Variants in MED27 observed in about 807,000 individuals in gnomAD.
MED27 encodes the protein mediator complex subunit 27.
MED27 carries 30 observed loss-of-function variants against 38.2 expected under a neutral mutation model. The observed-to-expected ratio is 0.79, with a 90% CI of 0.59 to 1.07. MED27 has a LOEUF of 1.07. Ranked by LOEUF, MED27 falls within the 50% of genes least tolerant of loss-of-function variation. MED27 has a pLI of 0.00. For missense variants in MED27, 289 were observed against 397.5 expected, an observed-to-expected ratio of 0.73 and a Z score of 2.32; for synonymous variants, 122 against 153.5, an observed-to-expected ratio of 0.79 and a Z score of 1.52.
intron 3 of MED27, among the ~76,000 whole-genome samples, chr9:131,986,126 GTGAAA>G (rs1469166818): frequency 6.6e-6 from 1 of 152,160 alleles, no homozygotes; most frequent in Non-Finnish European, 1.5e-5. Flanking sequence ...AGTTTATAAA[GTGAAA>G]AAGTAAGGCT....
At chr9:131,921,225 C>A (rs1473308164) in intron 4 of MED27, among the ~76,000 whole-genome samples, 1 of 152,158 alleles carries the variant, frequency 6.6e-6, no homozygotes, top group Non-Finnish European at 1.5e-5. Context: ...GTCCTGTTAG[C>A]ACTACCCTGC....
chr9:132,007,350 C>T (rs982332280), intron 3 of MED27, among the ~76,000 whole-genome samples: 4 of 151,976 alleles, frequency 2.6e-5, no homozygotes, highest in African/African-American at 7.3e-5. Flanking sequence ...CAAAGAACAT[C>T]GAAAAAATAC....
At chr9:131,964,345 TGGA>T (rs1336480310) in intron 3 of MED27, among the ~76,000 whole-genome samples, 75 of 149,640 alleles carry the variant, frequency 5.0e-4, no homozygotes, top group African/African-American at 1.7e-3. Flanking sequence ...GTGGTGGTGG[TGGA>T]GGTGATGGTA....
intron 6 of MED27, among the ~76,000 whole-genome samples, chr9:131,875,022 G>A (rs1416670456): frequency 1.3e-5 from 2 of 152,158 alleles, no homozygotes; most frequent in South Asian, 2.1e-4. Context: ...GAGAGACCCC[G>A]CCAAGAGGCA....
At chr9:132,025,060 G>C (rs921239438) in intron 2 of MED27, among the ~76,000 whole-genome samples, 2 of 151,746 alleles carry the variant, frequency 1.3e-5, no homozygotes, top group African/African-American at 4.8e-5. Flanking sequence ...TGTGTGTCAG[G>C]ATTTTCCCAC....
At chr9:132,060,228 CCT>C (rs766252032) in intron 2 of MED27, among the ~76,000 whole-genome samples, 9 of 152,252 alleles carry the variant, frequency 5.9e-5, no homozygotes, top group East Asian at 3.9e-4. Context: ...TGGGTGGCCC[CCT>C]GTTTTGGGGG....
intron 2 of MED27, among the ~76,000 whole-genome samples, chr9:132,050,533 C>T (rs1027741298): frequency 6.6e-6 from 1 of 152,204 alleles, no homozygotes; most frequent in East Asian, 1.9e-4. Flanking sequence ...TGATTATGTT[C>T]ACAGGGAAAA....
At chr9:131,903,218 C>T (rs955411357) in intron 4 of MED27, among the ~76,000 whole-genome samples, 12 of 152,292 alleles carry the variant, frequency 7.9e-5, no homozygotes, top group African/African-American at 1.2e-4. Flanking sequence ...GGCAAGGAGG[C>T]GCAAGTCACA....
intron 4 of MED27, among the ~76,000 whole-genome samples, chr9:131,936,847 G>A (rs774581937): frequency 4.4e-4 from 67 of 152,204 alleles, no homozygotes; most frequent in South Asian, 2.1e-4. Context: ...AGGAAATGCC[G>A]TTTTATTTCA....
intron 4 of MED27, among the ~76,000 whole-genome samples, chr9:131,920,261 A>G (rs1049722025): frequency 2.6e-5 from 4 of 152,238 alleles, no homozygotes; most frequent in African/African-American, 9.7e-5. Flanking sequence ...CCTGTTTACA[A>G]GTGCGCTTAT....
chr9:131,864,209 G>A (rs145824627), intron 6 of MED27, among the ~76,000 whole-genome samples: 16 of 152,248 alleles, frequency 1.1e-4, no homozygotes, highest in African/African-American at 3.9e-4. Flanking sequence ...GGCCAGGTGC[G>A]GTGCCTCATG....
chr9:132,042,410 C>T (rs957918413), intron 2 of MED27, among the ~76,000 whole-genome samples: 2 of 152,154 alleles, frequency 1.3e-5, no homozygotes, highest in Admixed American at 6.5e-5. Flanking sequence ...GAGGTAAAGT[C>T]ACTTGCTGCA....
At chr9:131,927,206 G>A (rs1482435068) in intron 4 of MED27, among the ~76,000 whole-genome samples, 1 of 152,156 alleles carries the variant, frequency 6.6e-6, no homozygotes, top group Non-Finnish European at 1.5e-5. Context: ...TACCAAAACA[G>A]CCCCGAAACA....
intron 3 of MED27, among the ~76,000 whole-genome samples, chr9:131,979,464 T>C (rs745724202): frequency 7.9e-5 from 10 of 126,570 alleles, no homozygotes; most frequent in Non-Finnish European, 1.1e-4. Flanking sequence ...TATTTGCTAC[T>C]AAATATTAAA....
intron 6 of MED27, among the ~76,000 whole-genome samples, chr9:131,882,654 T>C (rs552620806): frequency 6.6e-6 from 1 of 152,326 alleles, no homozygotes; most frequent in East Asian, 1.9e-4. Context: ...CTCCCTGACC[T>C]GAGCCCTGCC....
In MED27 at chr9:131,886,810, C is replaced by T. The variant is rs139899973; in HGVS notation, c.682-2711G>A. Among the ~76,000 whole-genome samples, 6 of 152,310 alleles carry T rather than the reference C, an allele frequency of 3.9e-5. No homozygotes were observed. In the East Asian group the frequency reaches 1.2e-3, roughly 29 times the overall value. The stretch of plus-strand genomic sequence containing the variant: ...ACTTTCTCAGTGCCGCAGTTTAGCA[C>T]AGGGCTTAACAAATGCAGCATTTAA... On this transcript the variant is annotated intron_variant, in intron 5 of 7. Transcript: ENST00000292035.
At chr9:131,910,250 C>A (rs1830162876) in intron 4 of MED27, among the ~76,000 whole-genome samples, 1 of 152,178 alleles carries the variant, frequency 6.6e-6, no homozygotes, top group African/African-American at 2.4e-5. Context: ...AATTACACAA[C>A]CACACAATAA....
chr9:131,871,307 C>G (rs1240782894), intron 6 of MED27, among the ~76,000 whole-genome samples: 2 of 152,200 alleles, frequency 1.3e-5, no homozygotes. Context: ...AGCTTAACTC[C>G]CAGATTCCAG....
chr9:131,972,009 C>T (rs982096866), intron 3 of MED27, among the ~76,000 whole-genome samples: 2 of 152,176 alleles, frequency 1.3e-5, no homozygotes, highest in Admixed American at 1.3e-4. Context: ...TACTGCAAGG[C>T]TAACTACTCT....
Sources: allele counts gnomAD v4.1 joint callset (sites outside exome capture counted in the v4.1 genomes callset), GRCh38; gene constraint gnomAD v4.1.1; transcripts MANE v1.5; gene names NCBI Gene and HGNC (gene_info 2026-07-23, HGNC 2026-07-21).